SCRIB: variants seen among roughly 807,000 people sequenced by gnomAD.
SCRIB encodes the protein scribble planar cell polarity protein, also known as protein scribble homolog.
In SCRIB, 72 loss-of-function variants were observed where a neutral mutation model predicts 170.0. That is an observed-to-expected ratio of 0.42 (90% CI 0.35 to 0.52). SCRIB has a LOEUF of 0.52. Among genes scored for constraint, SCRIB ranks in the 20% least tolerant of loss-of-function variants. The pLI is 0.02. For synonymous variants in SCRIB, 1,298 were observed against 1,044.3 expected (o/e 1.24, Z -4.68); for missense variants, 2,475 against 2,338.5 (o/e 1.06, Z -1.20).
At position 143,792,832 on chromosome 8, in the gene SCRIB, C is replaced by G; in HGVS notation, c.4053G>C (p.Gln1351His). 1.9e-6 allele frequency: 3 copies of G among 1,543,112 alleles called. No individual in the cohort carries two copies. Among genetic ancestry groups the G allele is most frequent in the Non-Finnish European group, 2.6e-6 (3 of 1,146,878 alleles). Residue 1351 changes from glutamine to histidine, a missense_variant, in exon 30 of 37, where the codon CAG becomes CAC. Transcript: ENST00000356994. Reference sequence around the variant, plus strand: ...ACTTCTGCCGCTCCCGGAAGGACAGCTGCTCCGGGGAGGCTGCAGGCCCAG... The same window carrying G: ...ACTTCTGCCGCTCCCGGAAGGACAGGTGCTCCGGGGAGGCTGCAGGCCCAG... ...PTPGPAASPE[Q>H]LSFRERQKYF...
chr8:143,793,110 T>A, intron 28 of SCRIB, 27 bp from the exon 29 acceptor site: 1 of 1,315,310 alleles, frequency 7.6e-7, no homozygotes, highest in Non-Finnish European at 1.0e-6. Context: ...TTGTGAGCTA[T>A]GCTGGGGCAG....
chr8:143,794,277 C>T (rs1814839098), intron 27 of SCRIB: 2 of 377,258 alleles, frequency 5.3e-6, no homozygotes, highest in Non-Finnish European at 9.8e-6. Flanking sequence ...GGGCCAGAGA[C>T]AGAGGTGATG....
chr8:143,808,480 C>G, intron 15 of SCRIB, 129 bp downstream of exon 15: 1 of 1,130,298 alleles, frequency 8.8e-7, no homozygotes, highest in Non-Finnish European at 1.2e-6. Flanking sequence ...GTGGAGCACA[C>G]GTGTCCACCA....
In SCRIB at chr8:143,815,335, T is replaced by C. The variant is rs757165641; in HGVS notation, c.38A>G (p.His13Arg). 6.4e-7 allele frequency: 1 copy of C among 1,558,622 alleles called. No individual in the cohort carries two copies. The highest frequency in any genetic ancestry group is 1.8e-5 in the Admixed American group (1 of 55,392). ...GTGCCGCTTGTCCACCGACTCCACGTGCCGGTTGCAGCGCCACAGCGGGAT... is the reference window on the plus strand; with the variant it reads ...GTGCCGCTTGTCCACCGACTCCACGCGCCGGTTGCAGCGCCACAGCGGGAT... ...KCIPLWRCNR[H>R]VESVDKRHCS... The change falls in exon 1 of 37, where the codon CAC becomes CGC. Residue 13 changes from histidine to arginine, a missense_variant. Coordinates refer to ENST00000356994, the MANE Select transcript of SCRIB (RefSeq NM_182706.5).
rs907275599 is a variant in SCRIB, at chr8:143,815,158, G to A, written c.159+56C>T. 5.5e-6 allele frequency: 8 copies of A among 1,464,702 alleles called. No individual in the cohort carries two copies. The African/African-American group carries it at 1.0e-4, about 19-fold the overall frequency. 90.7% of individuals were successfully genotyped at this position (1,464,702 alleles called of 1,614,324 possible). ...CTCGCCCGGGCAGATTCTGCCGCCG[G>A]AGGAATCACGGGCTGGGGGCGCGCC... is the stretch of plus-strand genomic sequence containing the variant. On this transcript the variant is annotated intron_variant, in intron 1 of 36. Transcript: ENST00000356994.
Position 143,792,633 on chromosome 8 carries a change from T to C in SCRIB, c.4180A>G (p.Arg1394Gly), listed in dbSNP as rs1814751194. 2 of 1,593,882 alleles carry C rather than the reference T, an allele frequency of 1.3e-6. No individual in the cohort carries two copies. The highest frequency in any genetic ancestry group is 1.7e-6 in the Non-Finnish European group (2 of 1,177,514). Residue 1394 changes from arginine to glycine, a missense_variant and splice_region_variant, in exon 31 of 37, where the codon AGA (arginine) becomes GGA (glycine). Arg to Gly is a moderately radical substitution (Grantham distance 125, BLOSUM62 -2). Transcript: ENST00000356994. The stretch of plus-strand genomic sequence containing the variant: ...TGCGCTCTCTTCTGCTGTAGTTTTC[T>C]GGCTGCCGGAGGGCAGGGTGGGTCA... The part of the protein sequence containing the change: ...DLRKMQEEEA[R>G]KLQQKRAQML...
At chr8:143,792,915 TG>T in intron 29 of SCRIB, 48 bp from the exon 30 acceptor site, 1 of 1,498,802 alleles carries the variant, frequency 6.7e-7, no homozygotes, top group Non-Finnish European at 8.9e-7. Context: ...TCCGAGATAC[TG>T]GGGCCCCCGG....
At chr8:143,793,564 G>T in intron 28 of SCRIB, 1 of 355,296 alleles carries the variant, frequency 2.8e-6, no homozygotes, top group Non-Finnish European at 5.1e-6. Flanking sequence ...GCCAACAGTG[G>T]GGGGGCAAGG....
intron 24 of SCRIB, among the ~76,000 whole-genome samples, chr8:143,799,850 C>G (rs1311994779): frequency 6.6e-6 from 1 of 151,954 alleles, no homozygotes; most frequent in Non-Finnish European, 1.5e-5. Flanking sequence ...CGGGCCACTG[C>G]TCCAGAGTGC....
At position 143,790,959 on chromosome 8, in the gene SCRIB, A is replaced by G. The variant is rs1820050668; in HGVS notation, c.*204T>C. The G allele has an allele frequency of 1.3e-5, 6 of 478,272 alleles. No individual in the cohort carries two copies. The highest frequency in any genetic ancestry group is 1.7e-5 in the Non-Finnish European group (5 of 294,974). The allele number at this position is 478,272 out of a possible 1,614,324, so 29.6% of individuals were successfully genotyped here. On this transcript the variant is annotated 3_prime_UTR_variant, in exon 37 of 37. Transcript: ENST00000356994. ...GTCAACTTTATTCTCCTTAAACCACAAAATAGAGTCTTTGGTTGTACAAAC... is the reference window on the plus strand; with the variant it reads ...GTCAACTTTATTCTCCTTAAACCACGAAATAGAGTCTTTGGTTGTACAAAC...
At chr8:143,796,348 G>C (rs963501934) in intron 24 of SCRIB, among the ~76,000 whole-genome samples, 1 of 152,160 alleles carries the variant, frequency 6.6e-6, no homozygotes, top group East Asian at 1.9e-4. Flanking sequence ...CATCACAGAC[G>C]GGGTCCCTGC....
chr8:143,798,536 G>A (rs959919957), intron 24 of SCRIB, among the ~76,000 whole-genome samples: 2 of 152,316 alleles, frequency 1.3e-5, no homozygotes, highest in Non-Finnish European at 2.9e-5. Flanking sequence ...CTGGGCTCGA[G>A]CGATCCTCCT....
At position 143,803,917 on chromosome 8, in the gene SCRIB, A is replaced by G; in HGVS notation, c.3144T>C (p.Ala1048=). The change falls in exon 23 of 37, where the codon GCT becomes GCC. Residue 1048 remains alanine (A), a synonymous_variant. Transcript: ENST00000356994. ...ISKVLPRGLA[A]RSGLRVGDRI... is the part of the protein sequence containing the mutation. Reference sequence around the variant, plus strand: ...GGTCCCCAACCCGCAGGCCGCTGCGAGCGGCCAGGCCCCGCGGGAGCACCT... The same window carrying G: ...GGTCCCCAACCCGCAGGCCGCTGCGGGCGGCCAGGCCCCGCGGGAGCACCT... The G allele has an allele frequency of 6.3e-7, 1 of 1,589,218 alleles. No individual in the cohort carries two copies. The highest frequency in any genetic ancestry group is 1.1e-5 in the South Asian group (1 of 88,716).
intron 28 of SCRIB, 196 bp downstream of exon 28, chr8:143,793,704 G>C (rs1554633512): frequency 1.8e-6 from 1 of 544,146 alleles, no homozygotes; most frequent in African/African-American, 1.9e-5. Context: ...CCCATCGCCA[G>C]GCAGCTCTGG....
At chr8:143,811,490 G>A (rs1387270720) in intron 9 of SCRIB, 145 bp from the exon 10 acceptor site, 9 of 694,480 alleles carry the variant, frequency 1.3e-5, no homozygotes, top group Non-Finnish European at 2.2e-5. Context: ...ACAAGGACCT[G>A]ACCACAGAAG....
chr8:143,814,193 G>A (rs1815904750), intron 1 of SCRIB, 75 bp from the exon 2 acceptor site: 3 of 1,277,286 alleles, frequency 2.3e-6, no homozygotes, highest in Admixed American at 2.0e-5. Flanking sequence ...ACACGTGAGT[G>A]TCACAAGTCA....
rs200346169 is a variant in SCRIB at position 143,804,138 on chromosome 8, C to A, written c.3028G>T (p.Ala1010Ser). 35 of 1,611,000 alleles carry A rather than the reference C, an allele frequency of 2.2e-5. No individual in the cohort carries two copies. The highest frequency in any genetic ancestry group is 2.8e-5 in the Non-Finnish European group (33 of 1,178,580). The change falls in exon 22 of 37, where the codon GCT (alanine) becomes TCT (serine). Residue 1010 changes from alanine to serine, a missense_variant. Physicochemically the swap from Ala to Ser is moderately conservative, Grantham distance 99. This residue lies in a region of SCRIB where 1,966 missense variants were observed against 1,742.9 expected (regional missense o/e 1.13). Coordinates refer to ENST00000356994, the MANE Select transcript of SCRIB (RefSeq NM_182706.5). ...ATACTAAGCCCCAGAGGGCCCCCAG[C>A]TCTTGGCAGACGGATCTCCTGGGGA... ...YPVEEIRLPR[A>S]GGPLGLSIVG...
At position 143,810,591 on chromosome 8, in the gene SCRIB, C is replaced by T. The variant is rs750570969; in HGVS notation, c.1418G>A (p.Arg473Gln). ...AAAEKRGLQR[R>Q]ATPHPSELKV... ...GAGCTCGCTGGGGTGAGGTGTGGCCCGGCGCTGTAGGCCCTGTTGTAGGGA... is the reference window on the plus strand; with the variant it reads ...GAGCTCGCTGGGGTGAGGTGTGGCCTGGCGCTGTAGGCCCTGTTGTAGGGA... Residue 473 changes from arginine (R) to glutamine (Q), a missense_variant, in exon 13 of 37, where the codon CGG becomes CAG. By Grantham distance (43) the Arg-to-Gln change is conservative (BLOSUM62 1). Transcript: ENST00000356994. 33 of 1,613,462 alleles carry T rather than the reference C, an allele frequency of 2.0e-5. No homozygotes were observed. Among genetic ancestry groups the T allele is most frequent in the Admixed American group, 6.7e-5 (4 of 60,002 alleles).
rs1421936481 is a variant in SCRIB at position 143,811,124 on chromosome 8, G to GC, written c.1106+21dup. Reference sequence around the variant, plus strand: ...AGGCGTTGGGGCCACGGTTAGGCCCGCAGGGCAAGGCTGGCACTCACCGGT... The same window carrying GC: ...AGGCGTTGGGGCCACGGTTAGGCCCGCCAGGGCAAGGCTGGCACTCACCGGT... On this transcript the variant is annotated intron_variant, in intron 10 of 36. Transcript: ENST00000356994. 1.9e-6 allele frequency: 3 copies of GC among 1,598,278 alleles called. No individual in the cohort carries two copies. The Admixed American group carries it at 5.1e-5, about 27-fold the overall frequency.
Sources: gnomAD v4.1 joint callset for allele counts (sites outside exome capture counted in the v4.1 genomes callset) on GRCh38, gnomAD v4.1.1 for gene constraint, gnomAD v4.1.1 regional missense constraint, MANE v1.5 for transcripts, NCBI Gene and HGNC (gene_info 2026-07-23, HGNC 2026-07-21) for gene names.